SLCO1B3: variants seen among roughly 807,000 people sequenced by gnomAD.
SLCO1B3 encodes the protein solute carrier organic anion transporter family member 1B3.
A neutral mutation model predicts 71.8 loss-of-function variants in SLCO1B3; 72 were observed. The ratio of observed to expected loss-of-function variants is 1.00; its 90% CI spans 0.83 to 1.22. SLCO1B3 has a LOEUF of 1.22. Ranked by LOEUF, SLCO1B3 falls within the 50% of genes most tolerant of loss-of-function variation. The pLI, the probability that SLCO1B3 is intolerant of heterozygous loss-of-function variation, is 0.00. For missense variants in SLCO1B3, 911 were observed against 819.7 expected, an observed-to-expected ratio of 1.11 and a Z score of -1.36; for synonymous variants, 298 against 278.4, an observed-to-expected ratio of 1.07 and a Z score of -0.70.
At chr12:20,840,945 A>G (rs536392554) in intron 3 of SLCO1B3, among the ~76,000 whole-genome samples, 2 of 152,320 alleles carry the variant, frequency 1.3e-5, no homozygotes, top group East Asian at 1.9e-4. Flanking sequence ...TTTTTCTCCA[A>G]CATTTACTAT....
At chr12:20,856,585 A>G (rs1865142417) in intron 4 of SLCO1B3, among the ~76,000 whole-genome samples, 1 of 152,160 alleles carries the variant, frequency 6.6e-6, no homozygotes, top group African/African-American at 2.4e-5. Flanking sequence ...TTTTCAAGGC[A>G]GAGTCTCCCT....
chr12:20,900,010 A>T (rs1190205424), intron 14 of SLCO1B3, among the ~76,000 whole-genome samples: 3 of 152,228 alleles, frequency 2.0e-5, no homozygotes, highest in African/African-American at 7.2e-5. Context: ...AAAATAGGTT[A>T]TCAGAAGATT....
intron 1 of SLCO1B3, among the ~76,000 whole-genome samples, chr12:20,812,048 C>T (rs1270157302): frequency 6.6e-6 from 1 of 151,750 alleles, no homozygotes; most frequent in Non-Finnish European, 1.5e-5. Flanking sequence ...GCTGAGATTA[C>T]AGGCATGTAC....
At chr12:20,866,710 C>T (rs77551319) in intron 8 of SLCO1B3, among the ~76,000 whole-genome samples, 20 of 136,594 alleles carry the variant, frequency 1.5e-4, no homozygotes, top group African/African-American at 5.1e-4. Flanking sequence ...GTTTTTAATC[C>T]GATGAAAGTG....
rs188626020 is a variant in SLCO1B3, at chr12:20,821,049, G to A, written c.84+5227G>A. On this transcript the variant is annotated intron_variant, in intron 3 of 15. Coordinates refer to ENST00000381545, the MANE Select transcript of SLCO1B3 (RefSeq NM_019844.4). ...GAATTGGGAACTAGCTCGGCCTGGC[G>A]AGGAGGGGAGAGGTCAGATGGGTCT... Among the ~76,000 whole-genome samples the A allele has an allele frequency of 4.4e-3, 676 of 152,166 alleles. 2 individuals carry two copies. The highest frequency in any genetic ancestry group is 0.012 in the East Asian group (61 of 5,164).
chr12:20,889,387 T>C (rs958952373), intron 13 of SLCO1B3, among the ~76,000 whole-genome samples: 4 of 152,082 alleles, frequency 2.6e-5, no homozygotes, highest in African/African-American at 9.7e-5. Flanking sequence ...TTGCTCATTA[T>C]TGGTCTGTTA....
intron 3 of SLCO1B3, among the ~76,000 whole-genome samples, chr12:20,822,021 T>C (rs980812259): frequency 5.3e-5 from 8 of 151,606 alleles, no homozygotes; most frequent in African/African-American, 1.9e-4. Flanking sequence ...GAGAAGAGAG[T>C]AAAAAGAGGC....
At chr12:20,845,772 TTGACTTTCTCTCTAGA>T (rs546939578) in intron 3 of SLCO1B3, among the ~76,000 whole-genome samples, 47 of 152,328 alleles carry the variant, frequency 3.1e-4, no homozygotes, top group African/African-American at 1.0e-3. Context: ...ATTGTTTTTG[TTGACTTTCTCTCTAGA>T]TCATCTGTCT....
intron 6 of SLCO1B3, among the ~76,000 whole-genome samples, chr12:20,862,069 T>G (rs1239385748): frequency 6.6e-6 from 1 of 152,160 alleles, no homozygotes; most frequent in Non-Finnish European, 1.5e-5. Flanking sequence ...ATGGGGAAAT[T>G]GTGACAATAT....
intron 13 of SLCO1B3, among the ~76,000 whole-genome samples, chr12:20,889,866 A>T (rs371739820): frequency 6.6e-6 from 1 of 151,232 alleles, no homozygotes; most frequent in East Asian, 1.9e-4. Context: ...GTTGTATCTC[A>T]GAGGTTTTGG....
chr12:20,899,738 C>G (rs1359962235), intron 14 of SLCO1B3, among the ~76,000 whole-genome samples: 1 of 152,092 alleles, frequency 6.6e-6, no homozygotes, highest in Non-Finnish European at 1.5e-5. Flanking sequence ...AGGACTCCTT[C>G]TGATATGTTG....
intron 12 of SLCO1B3, 134 bp from the exon 13 acceptor site, chr12:20,883,284 G>T: frequency 2.0e-6 from 1 of 502,598 alleles, no homozygotes; most frequent in Non-Finnish European, 3.2e-6. Flanking sequence ...TCACTATTAA[G>T]CAACTATATT....
intron 2 of SLCO1B3, among the ~76,000 whole-genome samples, chr12:20,814,228 C>T (rs546906249): frequency 6.6e-5 from 10 of 152,134 alleles, no homozygotes; most frequent in East Asian, 3.9e-4. Flanking sequence ...AGTCAACTGA[C>T]GTAAAAAGTT....
intron 3 of SLCO1B3, among the ~76,000 whole-genome samples, chr12:20,822,263 G>T (rs1864328160): frequency 6.6e-6 from 1 of 152,190 alleles, no homozygotes; most frequent in Non-Finnish European, 1.5e-5. Context: ...CCTGGATGCG[G>T]TTGGGCTGAG....
intron 10 of SLCO1B3, among the ~76,000 whole-genome samples, chr12:20,878,866 G>A (rs1292355733): frequency 6.6e-6 from 1 of 150,640 alleles, no homozygotes. Flanking sequence ...TGTCTTTTAT[G>A]AATAATAAAG....
intron 8 of SLCO1B3, among the ~76,000 whole-genome samples, chr12:20,866,711 G>A (rs954446290): frequency 7.5e-5 from 10 of 132,520 alleles, no homozygotes; most frequent in Non-Finnish European, 1.5e-4. Context: ...TTTTTAATCC[G>A]ATGAAAGTGC....
At chr12:20,910,313 G>A (rs564867301) in intron 15 of SLCO1B3, among the ~76,000 whole-genome samples, 10 of 151,966 alleles carry the variant, frequency 6.6e-5, no homozygotes, top group Admixed American at 2.6e-4. Flanking sequence ...TTACCTATTC[G>A]TATATTATTT....
intron 13 of SLCO1B3, among the ~76,000 whole-genome samples, chr12:20,894,276 A>G (rs1011202894): frequency 6.6e-6 from 1 of 152,214 alleles, no homozygotes; most frequent in African/African-American, 2.4e-5. Flanking sequence ...TACAGTGGTA[A>G]ATAACTTACA....
chr12:20,892,289 A>G (rs576836418), intron 13 of SLCO1B3, among the ~76,000 whole-genome samples: 28 of 152,316 alleles, frequency 1.8e-4, no homozygotes, highest in Non-Finnish European at 3.4e-4. Flanking sequence ...TGAAGAGGAT[A>G]GAGAGAAAAT....
Sources: allele counts gnomAD v4.1 joint callset (sites outside exome capture counted in the v4.1 genomes callset), GRCh38; gene constraint gnomAD v4.1.1; transcripts MANE v1.5; gene names NCBI Gene and HGNC (gene_info 2026-07-23, HGNC 2026-07-21).